Variants in ATP13A4 observed in about 807,000 individuals in gnomAD.
ATP13A4 encodes the protein ATPase 13A4.
ATP13A4 carries 114 observed loss-of-function variants against 142.5 expected under a neutral mutation model. The observed-to-expected ratio is 0.80, with a 90% CI of 0.69 to 0.93. The LOEUF is 0.93. Among genes scored for constraint, ATP13A4 ranks in the 40% least tolerant of loss-of-function variants. The pLI, the probability that ATP13A4 is intolerant of heterozygous loss-of-function variation, is 0.00. For synonymous variants in ATP13A4, 488 were observed against 514.8 expected (o/e 0.95, Z 0.70); for missense variants, 1,392 against 1,454.0 (o/e 0.96, Z 0.69).
At position 193,404,817 on chromosome 3, in the gene ATP13A4, T is replaced by C. The variant is rs190202451; in HGVS notation, c.3379-1953A>G. 4.1e-3 allele frequency among the ~76,000 whole-genome samples: 628 copies of C among 152,166 alleles called. 7 individuals carry two copies. Among genetic ancestry groups the C allele is most frequent in the African/African-American group, 0.014 (601 of 41,528 alleles). ...ACAGCAGTGGGAGAATGGACTAAAA[T>C]ACAACTAGAAAAAAACGAAAGCCTT... On this transcript the variant is annotated intron_variant, in intron 29 of 29. Transcript: ENST00000342695.
intron 2 of ATP13A4, among the ~76,000 whole-genome samples, chr3:193,509,461 A>C (rs1254278294): frequency 6.6e-6 from 1 of 152,166 alleles, no homozygotes; most frequent in Non-Finnish European, 1.5e-5. Flanking sequence ...AAAAAGAGAG[A>C]GATATAAGGA....
chr3:193,514,592 C>G lies in ATP13A4; in HGVS notation c.234+106G>C, dbSNP rs137951576. 128 of 1,435,638 alleles carry G rather than the reference C, an allele frequency of 8.9e-5. 2 individuals are homozygous for G. The East Asian group carries it at 1.3e-3, about 14-fold the overall frequency. The allele number at this position is 1,435,638 out of a possible 1,614,324, so 88.9% of individuals were successfully genotyped here. A position where few individuals can be genotyped will look rare whatever the true frequency, so the allele number is the denominator to read the frequency against. ...AAACCTAAGGAACCAAAGACTGGAG[C>G]CTCCACCTGCTATCTGTCTTGTGCA... On this transcript the variant is annotated intron_variant, in intron 2 of 29. Coordinates refer to ENST00000342695, the MANE Select transcript of ATP13A4 (RefSeq NM_032279.4).
intron 25 of ATP13A4, among the ~76,000 whole-genome samples, chr3:193,424,900 G>C (rs1454346513): frequency 6.7e-6 from 1 of 148,646 alleles, no homozygotes; most frequent in Non-Finnish European, 1.5e-5. Flanking sequence ...CTACATAATG[G>C]GAGAAAATAT....
intron 1 of ATP13A4, among the ~76,000 whole-genome samples, chr3:193,530,523 T>G (rs1722258463): frequency 6.6e-6 from 1 of 152,176 alleles, no homozygotes; most frequent in Admixed American, 6.5e-5. Context: ...TTGATTGTCT[T>G]CTAGATATTT....
At chr3:193,583,097 T>C (rs577615264) in intron 1 of ATP13A4, among the ~76,000 whole-genome samples, 38 of 150,762 alleles carry the variant, frequency 2.5e-4, no homozygotes, top group Non-Finnish European at 4.6e-4. Flanking sequence ...TGGAGCAGAA[T>C]TGAAGGGCAT....
intron 18 of ATP13A4, among the ~76,000 whole-genome samples, chr3:193,446,156 C>CT (rs1716943714): frequency 6.6e-6 from 1 of 152,142 alleles, no homozygotes; most frequent in African/African-American, 2.4e-5. Context: ...GAGCAAGACT[C>CT]TGTCTCTAAA....
At chr3:193,483,907 G>A (rs1376517088) in intron 8 of ATP13A4, 29 bp downstream of exon 8, 2 of 1,464,312 alleles carry the variant, frequency 1.4e-6, no homozygotes, top group Non-Finnish European at 1.9e-6. Context: ...CATGTGAATA[G>A]CATATAGATC....
chr3:193,438,935 T>C (rs1716460916), intron 22 of ATP13A4, 88 bp downstream of exon 22: 1 of 1,353,384 alleles, frequency 7.4e-7, no homozygotes, highest in East Asian at 2.3e-5. Flanking sequence ...GAATGTGAGA[T>C]TATGACTACA....
chr3:193,498,506 C>T (rs1423601506), intron 3 of ATP13A4, among the ~76,000 whole-genome samples: 2 of 152,126 alleles, frequency 1.3e-5, no homozygotes, highest in Admixed American at 6.5e-5. Context: ...AAAGAAACAG[C>T]GAGACTGCCA....
At chr3:193,563,527 A>C (rs1239822326) in intron 2 of ATP13A4, among the ~76,000 whole-genome samples, 1 of 152,196 alleles carries the variant, frequency 6.6e-6, no homozygotes, top group Non-Finnish European at 1.5e-5. Context: ...GTGAGGTGGC[A>C]CATGCCTGTA....
chr3:193,477,995 C>T (rs759609502), intron 8 of ATP13A4, among the ~76,000 whole-genome samples: 2 of 151,948 alleles, frequency 1.3e-5, no homozygotes, highest in Non-Finnish European at 2.9e-5. Context: ...GACCCACACA[C>T]TGAAAACTGC....
intron 2 of ATP13A4, among the ~76,000 whole-genome samples, chr3:193,580,060 T>A (rs1724500063): frequency 1.3e-5 from 2 of 152,272 alleles, no homozygotes; most frequent in South Asian, 4.2e-4. Flanking sequence ...AACAAAGTGG[T>A]AAACTGGATA....
chr3:193,412,133 C>T (rs765136109), intron 27 of ATP13A4, 45 bp downstream of exon 27: 4 of 1,523,570 alleles, frequency 2.6e-6, no homozygotes, highest in Non-Finnish European at 3.6e-6. Flanking sequence ...GTCTGTTCCC[C>T]TCTCTGATGA....
At chr3:193,461,453 A>G (rs1396709334) in intron 13 of ATP13A4, among the ~76,000 whole-genome samples, 2 of 152,232 alleles carry the variant, frequency 1.3e-5, no homozygotes, top group Non-Finnish European at 2.9e-5. Context: ...GACAAAGTAT[A>G]TATCCAAATC....
intron 8 of ATP13A4, among the ~76,000 whole-genome samples, chr3:193,480,635 T>C (rs1383596773): frequency 6.6e-6 from 1 of 152,102 alleles, no homozygotes; most frequent in African/African-American, 2.4e-5. Flanking sequence ...ATAAGAGATG[T>C]TCACGAGGAT....
chr3:193,471,598 T>G (rs1718627038), intron 8 of ATP13A4, among the ~76,000 whole-genome samples: 1 of 151,328 alleles, frequency 6.6e-6, no homozygotes, highest in African/African-American at 2.4e-5. Flanking sequence ...AAAAAAATCC[T>G]AATAGATAAA....
chr3:193,526,236 G>C (rs1283946271), intron 1 of ATP13A4, among the ~76,000 whole-genome samples: 2 of 152,012 alleles, frequency 1.3e-5, no homozygotes, highest in Non-Finnish European at 2.9e-5. Flanking sequence ...AAGAAAATGT[G>C]GCACATATAC....
At position 193,554,862 on chromosome 3, in the gene ATP13A4, A is replaced by G; in HGVS notation, c.-63T>C. 1 of 1,613,262 alleles carries G rather than the reference A, an allele frequency of 6.2e-7. No individual in the cohort carries two copies. Among genetic ancestry groups the G allele is most frequent in the Non-Finnish European group, 8.5e-7 (1 of 1,179,948 alleles). On this transcript the variant is annotated 5_prime_UTR_variant, in exon 1 of 30. Coordinates refer to ENST00000342695, the MANE Select transcript of ATP13A4 (RefSeq NM_032279.4). ...TGCAGACGCTTCCAGGATGAACTCC[A>G]ACTCGCCGAGCCACCGCAGCTCCTC...
intron 2 of ATP13A4, among the ~76,000 whole-genome samples, chr3:193,509,903 T>C (rs1232184238): frequency 6.6e-6 from 1 of 152,238 alleles, no homozygotes; most frequent in Non-Finnish European, 1.5e-5. Flanking sequence ...TCCATCTGTT[T>C]TGCTCATAGT....
Sources: allele counts gnomAD v4.1 joint callset (sites outside exome capture counted in the v4.1 genomes callset), GRCh38; gene constraint gnomAD v4.1.1; transcripts MANE v1.5; gene names NCBI Gene and HGNC (gene_info 2026-07-23, HGNC 2026-07-21).